The following TBC1D5 variants were observed in gnomAD, a reference collection of about 807,000 sequenced individuals.
The protein encoded by TBC1D5 is TBC1 domain family, member 5.
A neutral mutation model predicts 100.3 loss-of-function variants in TBC1D5; 75 were observed. The ratio of observed to expected loss-of-function variants is 0.75; its 90% CI spans 0.62 to 0.91. TBC1D5 has a LOEUF of 0.91. Among genes scored for constraint, TBC1D5 ranks in the 40% least tolerant of loss-of-function variants. The probability of loss-of-function intolerance (pLI) is 0.00; values close to 1 mark genes in which losing one functional copy is unlikely to be tolerated. For synonymous variants in TBC1D5, 323 were observed against 325.6 expected (o/e 0.99, Z 0.09); for missense variants, 910 against 942.4 (o/e 0.97, Z 0.45).
At chr3:17,658,091 G>A (rs1305689727) in intron 1 of TBC1D5, among the ~76,000 whole-genome samples, 1 of 152,110 alleles carries the variant, frequency 6.6e-6, no homozygotes, top group Non-Finnish European at 1.5e-5. Context: ...AAGAGCAATG[G>A]ACTACATCAT....
intron 15 of TBC1D5, among the ~76,000 whole-genome samples, chr3:17,290,574 C>T (rs2150131109): frequency 6.6e-6 from 1 of 152,222 alleles, no homozygotes; most frequent in South Asian, 2.1e-4. Context: ...TAGAATTTGC[C>T]CTAAGTCTGT....
At chr3:17,712,680 A>G (rs2074857565) in intron 1 of TBC1D5, among the ~76,000 whole-genome samples, 1 of 152,154 alleles carries the variant, frequency 6.6e-6, no homozygotes, top group African/African-American at 2.4e-5. Flanking sequence ...CAGAAGTATC[A>G]CTTCTCAGAC....
At chr3:17,439,670 C>T (rs1379710960) in intron 3 of TBC1D5, among the ~76,000 whole-genome samples, 1 of 151,912 alleles carries the variant, frequency 6.6e-6, no homozygotes, top group Non-Finnish European at 1.5e-5. Flanking sequence ...ACTGTTCTTT[C>T]CTTTTTCAAA....
At chr3:17,350,412 C>T (rs2090421738) in intron 13 of TBC1D5, among the ~76,000 whole-genome samples, 1 of 152,154 alleles carries the variant, frequency 6.6e-6, no homozygotes, top group African/African-American at 2.4e-5. Context: ...CAGCTTGAGC[C>T]AGAGTCAAAG....
intron 2 of TBC1D5, among the ~76,000 whole-genome samples, chr3:17,578,036 C>G (rs1447207065): frequency 6.6e-6 from 1 of 151,920 alleles, no homozygotes; most frequent in Non-Finnish European, 1.5e-5. Flanking sequence ...AAACAGGAAA[C>G]CCATTGTAAT....
chr3:17,284,302 G>A (rs1467985718), intron 15 of TBC1D5, among the ~76,000 whole-genome samples: 1 of 152,080 alleles, frequency 6.6e-6, no homozygotes, highest in African/African-American at 2.4e-5. Flanking sequence ...ATTTTTAATA[G>A]AGATGGGGTT....
chr3:17,432,584 TTTTC>T (rs1403665473), intron 3 of TBC1D5, among the ~76,000 whole-genome samples: 2 of 152,204 alleles, frequency 1.3e-5, no homozygotes, highest in Admixed American at 1.3e-4. Flanking sequence ...TAATTTTCAA[TTTTC>T]TTTATTATTG....
intron 1 of TBC1D5, among the ~76,000 whole-genome samples, chr3:17,631,911 A>G (rs1466537464): frequency 6.6e-6 from 1 of 152,244 alleles, no homozygotes; most frequent in Admixed American, 6.5e-5. Flanking sequence ...CGTTGTTTTC[A>G]TGCTTGCTAA....
intron 21 of TBC1D5, among the ~76,000 whole-genome samples, chr3:17,163,263 CCCTT>C (rs1315576369): frequency 7.9e-5 from 6 of 75,724 alleles, no homozygotes; most frequent in African/African-American, 2.7e-4. Context: ...TGACCCCCCC[CCCTT>C]CCTTGCCCCT....
At chr3:17,337,433 G>C (rs1190951921) in intron 13 of TBC1D5, 2 of 152,098 alleles carry the variant, frequency 1.3e-5, no homozygotes, top group African/African-American at 4.8e-5. Context: ...AGTTTGGCTA[G>C]AACAAGAAAG....
intron 1 of TBC1D5, among the ~76,000 whole-genome samples, chr3:17,669,861 G>A (rs538978954): frequency 1.3e-4 from 20 of 152,222 alleles, no homozygotes; most frequent in Admixed American, 9.2e-4. Context: ...ATCTTTAACC[G>A]TCCTCTCGAC....
At chr3:17,248,505 T>C (rs914766516) in intron 16 of TBC1D5, among the ~76,000 whole-genome samples, 2 of 152,220 alleles carry the variant, frequency 1.3e-5, no homozygotes, top group Non-Finnish European at 2.9e-5. Flanking sequence ...ATGGCAGCTA[T>C]AGCCTTATGA....
intron 18 of TBC1D5, among the ~76,000 whole-genome samples, chr3:17,191,958 T>C (rs1254876391): frequency 6.6e-6 from 1 of 152,038 alleles, no homozygotes; most frequent in Non-Finnish European, 1.5e-5. Context: ...TAGGAGAACA[T>C]TTAAGAACGA....
At chr3:17,695,884 T>C (rs1156818717) in intron 1 of TBC1D5, among the ~76,000 whole-genome samples, 2 of 152,098 alleles carry the variant, frequency 1.3e-5, no homozygotes, top group Non-Finnish European at 2.9e-5. Context: ...AGAACATAAA[T>C]CACAACAAAC....
At chr3:17,207,668 T>C (rs2072396851) in intron 18 of TBC1D5, among the ~76,000 whole-genome samples, 1 of 152,244 alleles carries the variant, frequency 6.6e-6, no homozygotes, top group African/African-American at 2.4e-5. Flanking sequence ...AGAAAGGGTA[T>C]GTGTGATACA....
At chr3:17,539,625 T>C (rs2096327647) in intron 2 of TBC1D5, among the ~76,000 whole-genome samples, 1 of 152,136 alleles carries the variant, frequency 6.6e-6, no homozygotes, top group Non-Finnish European at 1.5e-5. Context: ...TGTGCCTGAA[T>C]TCCAAAGACA....
rs1457963816 is a variant in TBC1D5, at chr3:17,248,374, T to G, written c.1332-9955A>C. Among the ~76,000 whole-genome samples the G allele has an allele frequency of 2.0e-5, 3 of 152,228 alleles. No homozygotes were observed. In the South Asian group the frequency reaches 6.2e-4, roughly 32 times the overall value. ...TCAACTTCTTTCAAACTCTTGTTAA[T>G]GTTGATATTTTGACATCCTCCCATG... On this transcript the variant is annotated intron_variant, in intron 16 of 21. Coordinates refer to ENST00000253692, the Ensembl canonical transcript of TBC1D5.
At chr3:17,454,305 C>T (rs1217535999) in intron 3 of TBC1D5, among the ~76,000 whole-genome samples, 4 of 151,586 alleles carry the variant, frequency 2.6e-5, no homozygotes, top group Admixed American at 1.3e-4. Flanking sequence ...AAATGGTATC[C>T]GAATTGGAAA....
intron 1 of TBC1D5, among the ~76,000 whole-genome samples, chr3:17,691,114 C>G (rs1470739114): frequency 6.6e-6 from 1 of 152,116 alleles, no homozygotes; most frequent in East Asian, 1.9e-4. Context: ...CTGCACAAGG[C>G]TTAGGAAACA....
Sources: allele counts gnomAD v4.1 joint callset (sites outside exome capture counted in the v4.1 genomes callset), GRCh38; gene constraint gnomAD v4.1.1; transcripts MANE v1.5; gene names NCBI Gene and HGNC (gene_info 2026-07-23, HGNC 2026-07-21).